Variants in PROSER2 observed in about 807,000 individuals in gnomAD.
The protein encoded by PROSER2 is proline and serine rich 2.
PROSER2 carries 18 observed loss-of-function variants against 14.6 expected under a neutral mutation model. The ratio of observed to expected loss-of-function variants is 1.23; its 90% confidence interval spans 0.85 to 1.83. The LOEUF (loss-of-function observed/expected upper bound fraction) is 1.83. PROSER2 is among the 40% of genes most tolerant of loss of function. The probability of loss-of-function intolerance (pLI) is 0.00; values close to 1 mark genes in which losing one functional copy is unlikely to be tolerated. For missense variants in PROSER2, 823 were observed against 629.8 expected (o/e 1.31, Z -3.28); for synonymous variants, 367 against 286.4 (o/e 1.28, Z -2.84).
chr10:11,862,965 T>G lies in PROSER2; in HGVS notation c.139-3566T>G, dbSNP rs998891669. The stretch of plus-strand genomic sequence containing the variant: ...GCAAGTGTCAGTCAGTACAACCACT[T>G]CGGAAAGCTGTGTCCACCCACCCAA... On this transcript the variant is annotated intron_variant, in intron 2 of 3. Transcript: ENST00000277570. This position sits in a 1 kb window ranked among gnomAD's most constrained non-coding sequence, Gnocchi z 4.2. The G allele has an allele frequency of 1.3e-5, 2 of 152,092 alleles. No homozygotes were observed. The highest frequency in any genetic ancestry group is 4.8e-5 in the African/African-American group (2 of 41,404). The allele number at this position is 152,092 out of a possible 1,614,324, so 9.4% of individuals were successfully genotyped here. A position where few individuals can be genotyped will look rare whatever the true frequency, so the allele number is the denominator to read the frequency against.
rs149528521 is a variant in PROSER2, at chr10:11,826,165, A to G, written c.-82+2695A>G. ...TGTCTGGCGTCTTTGACTTAGCACA[A>G]TGTTTTTCAAGGTCCGTCCGTGTCG... On this transcript the variant is annotated intron_variant, in intron 1 of 3. Transcript: ENST00000277570. Among the ~76,000 whole-genome samples the G allele has an allele frequency of 4.4e-3, 674 of 152,112 alleles. 3 individuals are homozygous for G. Among genetic ancestry groups the G allele is most frequent in the East Asian group, 0.039 (200 of 5,178 alleles).
Position 11,866,346 on chromosome 10 carries a change from G to A in PROSER2, c.139-185G>A, listed in dbSNP as rs539170949. On this transcript the variant is annotated intron_variant, in intron 2 of 3. Transcript: ENST00000277570. The surrounding 1 kb of genome is among the most constrained non-coding windows in gnomAD (Gnocchi z 6.0). The stretch of plus-strand genomic sequence containing the variant: ...GGCTCTGTTGTTTGCTCTGCCTTTC[G>A]GAACACGTTCTCTTCCATCTGGGTG... Among the ~76,000 whole-genome samples, 4 of 152,210 alleles carry A rather than the reference G, an allele frequency of 2.6e-5. No homozygotes were observed. The highest frequency in any genetic ancestry group is 7.2e-5 in the African/African-American group (3 of 41,502).
intron 1 of PROSER2, among the ~76,000 whole-genome samples, chr10:11,832,019 TA>T (rs956930781): frequency 3.3e-5 from 5 of 152,244 alleles, no homozygotes; most frequent in African/African-American, 9.6e-5. Context: ...AATTTAAAAT[TA>T]AAAAAATAAG....
chr10:11,867,314 TTACATTTTTTTAAA>T (rs948429716), intron 3 of PROSER2, among the ~76,000 whole-genome samples: 3 of 149,294 alleles, frequency 2.0e-5, no homozygotes, highest in African/African-American at 7.4e-5. Flanking sequence ...TAAGCAGAGT[TTACATTTTTTTAAA>T]TACACAATGC....
chr10:11,835,478 ATTGT>A (rs371228347), intron 1 of PROSER2, among the ~76,000 whole-genome samples: 3 of 152,162 alleles, frequency 2.0e-5, no homozygotes, highest in African/African-American at 4.8e-5. Flanking sequence ...AGTCTAAGGG[ATTGT>A]TTTTGTTTTT....
chr10:11,867,195 G>A (rs1406427125), intron 3 of PROSER2, among the ~76,000 whole-genome samples: 1 of 146,256 alleles, frequency 6.8e-6, no homozygotes, highest in East Asian at 2.0e-4. Context: ...AACCCGGGAG[G>A]CAGAGCTTGC....
At position 11,869,977 on chromosome 10, in the gene PROSER2, C is replaced by G; in HGVS notation, c.879C>G (p.Ala293=). ...AQVLATIHGH[A]GAFPAAGDAG... ...TGTTGGCCACCATCCACGGCCACGC[C>G]GGCGCCTTCCCCGCCGCGGGGGACG... Residue 293 remains alanine, a synonymous_variant, in exon 4 of 4, where the codon GCC becomes GCG. Coordinates refer to ENST00000277570, the MANE Select transcript of PROSER2 (RefSeq NM_153256.4). The surrounding 1 kb of genome is among the most constrained non-coding windows in gnomAD (Gnocchi z 4.4). 1 of 1,307,644 alleles carries G rather than the reference C, an allele frequency of 7.6e-7. No homozygotes were observed. The highest frequency in any genetic ancestry group is 2.3e-5 in the South Asian group (1 of 43,350). The allele number at this position is 1,307,644 out of a possible 1,614,324, so 81.0% of individuals were successfully genotyped here.
intron 2 of PROSER2, among the ~76,000 whole-genome samples, chr10:11,853,903 G>A (rs1022729092): frequency 3.3e-5 from 5 of 152,080 alleles, no homozygotes; most frequent in Non-Finnish European, 5.9e-5. Context: ...TTTCCTATCC[G>A]GTAAATCATC....
chr10:11,842,825 G>A (rs565638488), intron 1 of PROSER2, among the ~76,000 whole-genome samples: 2 of 149,068 alleles, frequency 1.3e-5, no homozygotes, highest in African/African-American at 5.0e-5. Context: ...CCAAATATAT[G>A]TATGTATACA....
chr10:11,866,132 G>A lies in PROSER2; in HGVS notation c.139-399G>A, dbSNP rs1834340756. On this transcript the variant is annotated intron_variant, in intron 2 of 3. Transcript: ENST00000277570. The surrounding 1 kb of genome is among the most constrained non-coding windows in gnomAD (Gnocchi z 6.0). ...TCCCTTCGTTTTAGTACGGTTTCTG[G>A]TGAGAAAGGAGATAAATATGTGAGT... Among the ~76,000 whole-genome samples the A allele has an allele frequency of 6.6e-6, 1 of 152,158 alleles. No homozygotes were observed. The highest frequency in any genetic ancestry group is 2.1e-4 in the South Asian group (1 of 4,828).
intron 2 of PROSER2, among the ~76,000 whole-genome samples, chr10:11,855,473 CA>C (rs71380787): frequency 0.49 from 50,184 of 102,272 alleles, 9,390 homozygotes; most frequent in East Asian, 0.72. Context: ...GACTCCATCT[CA>C]AAAAAAAAAA....
In PROSER2 at chr10:11,830,877, G is replaced by A. The variant is rs1450367847; in HGVS notation, c.-82+7407G>A. Among the ~76,000 whole-genome samples the A allele has an allele frequency of 6.6e-6, 1 of 152,196 alleles. No individual in the cohort carries two copies. The highest frequency in any genetic ancestry group is 1.5e-5 in the Non-Finnish European group (1 of 68,038). ...GAATTTGCTAGCAGGTTCCCCAGAG[G>A]TATAGGAAGAGCGGGAGGAGAAGCA... On this transcript the variant is annotated intron_variant, in intron 1 of 3. Transcript: ENST00000277570. This position sits in a 1 kb window ranked among gnomAD's most constrained non-coding sequence, Gnocchi z 4.5.
intron 2 of PROSER2, among the ~76,000 whole-genome samples, chr10:11,858,518 G>A (rs1476708142): frequency 8.5e-5 from 13 of 152,110 alleles, no homozygotes; most frequent in Admixed American, 8.5e-4. Context: ...TTCTCTACGT[G>A]GGGGCTTGTT....
rs1048041791 is a variant in PROSER2 at position 11,870,640 on chromosome 10, T to C, written c.*234T>C. On this transcript the variant is annotated 3_prime_UTR_variant, in exon 4 of 4. Transcript: ENST00000277570. ...CCCTAAAGGAATCTGGCCGAGGGCT[T>C]GTCTCCCTTTTCCCAAGAACTGAGA... 12 of 452,092 alleles carry C rather than the reference T, an allele frequency of 2.7e-5. No homozygotes were observed. Among genetic ancestry groups the C allele is most frequent in the Non-Finnish European group, 4.8e-5 (12 of 249,550 alleles). The allele number at this position is 452,092 out of a possible 1,614,324, so 28.0% of individuals were successfully genotyped here. A position where few individuals can be genotyped will look rare whatever the true frequency, so the allele number is the denominator to read the frequency against.
intron 2 of PROSER2, among the ~76,000 whole-genome samples, chr10:11,854,248 C>T (rs1834081130): frequency 6.6e-6 from 1 of 152,154 alleles, no homozygotes; most frequent in African/African-American, 2.4e-5. Context: ...GTGTACTTTC[C>T]TTTAGAACTA....
At chr10:11,832,500 T>C (rs1273951951) in intron 1 of PROSER2, among the ~76,000 whole-genome samples, 1 of 152,230 alleles carries the variant, frequency 6.6e-6, no homozygotes, top group East Asian at 1.9e-4. Context: ...ATGGATTACC[T>C]GTTAATATTG....
In PROSER2 at chr10:11,836,163, C is replaced by G; in HGVS notation, c.-82+12693C>G. Among the ~76,000 whole-genome samples, 1 of 152,036 alleles carries G rather than the reference C, an allele frequency of 6.6e-6. No individual in the cohort carries two copies. Among genetic ancestry groups the G allele is most frequent in the South Asian group, 2.1e-4 (1 of 4,794 alleles). On this transcript the variant is annotated intron_variant, in intron 1 of 3. Coordinates refer to ENST00000277570, the MANE Select transcript of PROSER2 (RefSeq NM_153256.4). This position sits in a 1 kb window ranked among gnomAD's most constrained non-coding sequence, Gnocchi z 4.6. ...TCTCCTGCCTCAGTCTCCCGAGTAGCTGGGATTACAGGCGTCCACCACTAT... is the reference window on the plus strand; with the variant it reads ...TCTCCTGCCTCAGTCTCCCGAGTAGGTGGGATTACAGGCGTCCACCACTAT...
chr10:11,839,944 T>TTTTA (rs901107805), intron 1 of PROSER2, among the ~76,000 whole-genome samples: 25 of 152,018 alleles, frequency 1.6e-4, no homozygotes, highest in South Asian at 4.1e-4. Flanking sequence ...TTTATTTTCA[T>TTTTA]TTTATTTATT....
chr10:11,835,699 A>G (rs894880241), intron 1 of PROSER2, among the ~76,000 whole-genome samples: 3 of 152,242 alleles, frequency 2.0e-5, no homozygotes, highest in African/African-American at 2.4e-5. Flanking sequence ...GATAGAAACT[A>G]TGAAAAAACA....
Sources: allele counts gnomAD v4.1 joint callset (sites outside exome capture counted in the v4.1 genomes callset), GRCh38; gene constraint gnomAD v4.1.1; non-coding constraint Gnocchi (gnomAD v3.1); transcripts MANE v1.5; gene names NCBI Gene and HGNC (gene_info 2026-07-23, HGNC 2026-07-21).